PPA1: variants seen among roughly 807,000 people sequenced by gnomAD.
The protein encoded by PPA1 is inorganic pyrophosphatase 1.
In PPA1, 23 loss-of-function variants were observed where a neutral mutation model predicts 41.8. The ratio of observed to expected loss-of-function variants is 0.55; its 90% CI spans 0.40 to 0.78. The LOEUF (loss-of-function observed/expected upper bound fraction) is 0.78. PPA1 is among the 30% of genes least tolerant of loss of function. The pLI, the probability that PPA1 is intolerant of heterozygous loss-of-function variation, is 0.00. For missense variants in PPA1, 320 were observed against 361.6 expected, an observed-to-expected ratio of 0.89 and a Z score of 0.93; for synonymous variants, 101 against 116.8, an observed-to-expected ratio of 0.86 and a Z score of 0.87.
intron 2 of PPA1, among the ~76,000 whole-genome samples, chr10:70,222,338 A>G (rs1444742348): frequency 6.8e-6 from 1 of 146,866 alleles, no homozygotes; most frequent in Non-Finnish European, 1.5e-5. Flanking sequence ...TCCGTCTCAA[A>G]AAAAAAAAAA....
intron 2 of PPA1, among the ~76,000 whole-genome samples, chr10:70,229,165 T>C (rs1220548662): frequency 6.6e-6 from 1 of 152,236 alleles, no homozygotes; most frequent in Non-Finnish European, 1.5e-5. Context: ...TTTTTTAAAA[T>C]GACTGTTTAA....
rs372788606 is a variant in PPA1, at chr10:70,206,310, C to T, written c.749G>A (p.Ser250Asn). The T allele has an allele frequency of 5.8e-5, 94 of 1,612,780 alleles. No individual in the cohort carries two copies. The highest frequency in any genetic ancestry group is 4.9e-4 in the Middle Eastern group (3 of 6,078). The change falls in exon 9 of 11, where the codon AGC (serine) becomes AAC (asparagine). Residue 250 changes from serine (S) to asparagine (N), a missense_variant. Physicochemically the swap from Ser to Asn is conservative, Grantham distance 46 (BLOSUM62 1). Coordinates refer to ENST00000373232, the MANE Select transcript of PPA1 (RefSeq NM_021129.4). ...AGCATCAGGATCACACTTGAAGGGGCTCTCAGACAAAGTTGTATTCATGCT... is the reference window on the plus strand; with the variant it reads ...AGCATCAGGATCACACTTGAAGGGGTTCTCAGACAAAGTTGTATTCATGCT... ...ISCMNTTLSE[S>N]PFKCDPDAAR...
At chr10:70,205,238 A>G (rs10999184) in intron 9 of PPA1, 11,259 of 162,740 alleles carry the variant, frequency 0.069, 903 homozygotes, top group African/African-American at 0.21. Context: ...AAAGCTGGGC[A>G]TGGTGGCGGG....
At chr10:70,217,423 T>C (rs1290353365) in intron 4 of PPA1, among the ~76,000 whole-genome samples, 1 of 152,136 alleles carries the variant, frequency 6.6e-6, no homozygotes, top group Non-Finnish European at 1.5e-5. Context: ...TTAGGTAAGC[T>C]AGGAATTGGC....
chr10:70,210,846 A>C (rs1298578442), intron 6 of PPA1, among the ~76,000 whole-genome samples: 1 of 151,590 alleles, frequency 6.6e-6, no homozygotes, highest in African/African-American at 2.4e-5. Context: ...GCTCACTGCA[A>C]GCTCTGCCTC....
At chr10:70,220,551 T>G (rs1341335046) in intron 2 of PPA1, among the ~76,000 whole-genome samples, 1 of 1,380 alleles carries the variant, frequency 7.2e-4, no homozygotes, top group Non-Finnish European at 1.0e-3. Flanking sequence ...TTATGTATAA[T>G]ATATATATAA....
At chr10:70,205,057 TAGA>T (rs1839922331) in intron 9 of PPA1, 142 bp from the exon 10 acceptor site, 2 of 619,362 alleles carry the variant, frequency 3.2e-6, no homozygotes, top group South Asian at 2.3e-5. Flanking sequence ...ATAGGAACAA[TAGA>T]AGGTTTGCTC....
At position 70,204,891 on chromosome 10, in the gene PPA1, A is replaced by G. The variant is rs1839920796; in HGVS notation, c.820T>C (p.Cys274Arg). 1 of 1,597,422 alleles carries G rather than the reference A, an allele frequency of 6.3e-7. No individual in the cohort carries two copies. The highest frequency in any genetic ancestry group is 1.3e-5 in the African/African-American group (1 of 74,640). Residue 274 changes from cysteine to arginine, a missense_variant, in exon 10 of 11, where the codon TGC becomes CGC. Coordinates refer to ENST00000373232, the MANE Select transcript of PPA1 (RefSeq NM_021129.4). The part of the protein sequence containing the change: ...DALPPPCESA[C>R]TVPTDVDKWF... ...ATCTTACCGTCTGTTGGTACTGTGC[A>G]GGCAGATTCACAGGGTGGTGGTAAC...
chr10:70,206,235 G>GTTT, intron 9 of PPA1, 29 bp downstream of exon 9: 2 of 1,294,452 alleles, frequency 1.5e-6, no homozygotes, highest in Non-Finnish European at 2.1e-6. Flanking sequence ...AACCAGGCTT[G>GTTT]TTTTTTTTTT....
intron 2 of PPA1, 39 bp downstream of exon 2, chr10:70,230,302 T>C (rs966863077): frequency 1.9e-6 from 3 of 1,602,362 alleles, no homozygotes; most frequent in Non-Finnish European, 2.6e-6. Context: ...CTAGCTGATC[T>C]GAGTAAAGAG....
chr10:70,204,588 C>T (rs1839916087), intron 10 of PPA1: 3 of 308,590 alleles, frequency 9.7e-6, no homozygotes, highest in African/African-American at 6.6e-5. Context: ...AAGGAATAAG[C>T]TTTAGTGATC....
intron 5 of PPA1, among the ~76,000 whole-genome samples, chr10:70,213,885 A>G (rs911985896): frequency 6.6e-6 from 1 of 152,212 alleles, no homozygotes; most frequent in Non-Finnish European, 1.5e-5. Context: ...TAAGTCCTCC[A>G]TAGTCTCAAA....
intron 4 of PPA1, among the ~76,000 whole-genome samples, chr10:70,216,587 C>T (rs375145842): frequency 3.3e-5 from 5 of 152,118 alleles, no homozygotes; most frequent in African/African-American, 1.2e-4. Context: ...TGGGTCAGAC[C>T]TATGTTCTAC....
intron 4 of PPA1, 63 bp downstream of exon 4, chr10:70,217,749 T>G (rs951626642): frequency 7.4e-6 from 10 of 1,343,482 alleles, no homozygotes; most frequent in Non-Finnish European, 9.8e-6. Flanking sequence ...TTTTTACTAA[T>G]AGCAGTAAAT....
chr10:70,221,693 C>T (rs1350456159), intron 2 of PPA1, among the ~76,000 whole-genome samples: 1 of 152,124 alleles, frequency 6.6e-6, no homozygotes. Context: ...AGCAGCAGTA[C>T]CCTAAAGATT....
At chr10:70,225,031 T>C (rs1840213264) in intron 2 of PPA1, among the ~76,000 whole-genome samples, 1 of 152,156 alleles carries the variant, frequency 6.6e-6, no homozygotes, top group East Asian at 1.9e-4. Context: ...GCGCCCAGCA[T>C]TGAGATTTAT....
At chr10:70,203,936 T>C (rs376644408) in intron 10 of PPA1, 3 of 152,382 alleles carry the variant, frequency 2.0e-5, no homozygotes, top group African/African-American at 7.2e-5. Flanking sequence ...TGATACAGTG[T>C]GGCACTAAAG....
chr10:70,231,100 C>CT (rs1840286018), intron 1 of PPA1, among the ~76,000 whole-genome samples: 1 of 152,172 alleles, frequency 6.6e-6, no homozygotes, highest in Admixed American at 6.5e-5. Flanking sequence ...TTATGACTTT[C>CT]TTTAAGGATA....
chr10:70,210,843 G>A (rs903261722), intron 6 of PPA1, among the ~76,000 whole-genome samples: 4 of 150,894 alleles, frequency 2.7e-5, no homozygotes, highest in Admixed American at 6.6e-5. Context: ...TCGGCTCACT[G>A]CAAGCTCTGC....
Sources: allele counts gnomAD v4.1 joint callset (sites outside exome capture counted in the v4.1 genomes callset), GRCh38; gene constraint gnomAD v4.1.1; transcripts MANE v1.5; gene names NCBI Gene and HGNC (gene_info 2026-07-23, HGNC 2026-07-21).